Variants in ARRDC2 observed in about 807,000 individuals in gnomAD.
ARRDC2 encodes arrestin domain-containing protein 2.
In ARRDC2, 39 loss-of-function variants were observed where a neutral mutation model predicts 38.9. The ratio of observed to expected loss-of-function variants is 1.00; its 90% CI spans 0.78 to 1.31. ARRDC2 has a LOEUF of 1.31. Ranked by LOEUF, ARRDC2 falls within the 50% of genes most tolerant of loss-of-function variation. The pLI is 0.00. For synonymous variants in ARRDC2, 300 were observed against 261.9 expected (o/e 1.15, Z -1.41); for missense variants, 553 against 588.4 (o/e 0.94, Z 0.62).
At chr19:18,010,785 T>C (rs2033396676) in intron 7 of ARRDC2, 56 bp downstream of exon 7, 1 of 1,575,910 alleles carries the variant, frequency 6.3e-7, no homozygotes, top group African/African-American at 1.4e-5. Flanking sequence ...GGAGCCTTGA[T>C]GGGGTGGCAG....
upstream of ARRDC2, chr19:18,008,090 C>T (rs1004801852): frequency 2.1e-5 from 26 of 1,219,116 alleles, no homozygotes; most frequent in Middle Eastern, 3.1e-4. Flanking sequence ...GGTGGAGTCC[C>T]TTCCCGGGGC....
At chr19:18,009,747 G>C (rs1428104131) in intron 4 of ARRDC2, 36 bp from the exon 5 acceptor site, 1 of 1,612,842 alleles carries the variant, frequency 6.2e-7, no homozygotes. Context: ...GGGGTTGCAG[G>C]AGGGGAAACT....
chr19:18,011,040 C>T (rs1367824256), intron 7 of ARRDC2, among the ~76,000 whole-genome samples: 1 of 152,112 alleles, frequency 6.6e-6, no homozygotes, highest in East Asian at 1.9e-4. Context: ...GTCTTGTCAC[C>T]CAGGCTGGAG....
chr19:18,013,173 G>C lies in ARRDC2; in HGVS notation c.*207G>C, dbSNP rs2033448518. ...CTGACTTACCTGGACCGCTGTCCTT[G>C]TGAGGCATTGAATGCCCAGTGCAGT... On this transcript the variant is annotated 3_prime_UTR_variant, in exon 8 of 8. Transcript: ENST00000222250. 1.7e-6 allele frequency: 1 copy of C among 585,248 alleles called. No homozygotes were observed. The highest frequency in any genetic ancestry group is 3.0e-6 in the Non-Finnish European group (1 of 330,604). The allele number at this position is 585,248 out of a possible 1,614,324, so 36.3% of individuals were successfully genotyped here. A position where few individuals can be genotyped will look rare whatever the true frequency, so the allele number is the denominator to read the frequency against.
intron 3 of ARRDC2, 85 bp downstream of exon 3, chr19:18,009,203 T>A: frequency 6.6e-7 from 1 of 1,506,620 alleles, no homozygotes. Context: ...ACCAATAAGA[T>A]GGAGGTCATA....
At position 18,009,941 on chromosome 19, in the gene ARRDC2, G is replaced by A. The variant is rs777390808; in HGVS notation, c.751G>A (p.Gly251Arg). Residue 251 changes from glycine to arginine, a missense_variant, in exon 5 of 8, where the codon GGG becomes AGG. Physicochemically the swap from Gly to Arg is moderately radical, Grantham distance 125. Coordinates refer to ENST00000222250, the MANE Select transcript of ARRDC2 (RefSeq NM_015683.2). Reference protein sequence around the residue: ...ASLAGEPVGPGQRALWQGRAL... With the variant: ...ASLAGEPVGPRQRALWQGRAL... ...CCTCGCGGGCGAGCCGGTGGGCCCC[G>A]GGCAGCGGGCGCTGTGGCAGGGCCG... 4 of 1,605,448 alleles carry A rather than the reference G, an allele frequency of 2.5e-6. No individual in the cohort carries two copies. The highest frequency in any genetic ancestry group is 2.2e-5 in the East Asian group (1 of 44,832).
intron 7 of ARRDC2, among the ~76,000 whole-genome samples, chr19:18,011,890 A>G (rs1382408843): frequency 1.3e-5 from 2 of 150,868 alleles, no homozygotes; most frequent in African/African-American, 4.9e-5. Flanking sequence ...ATAATGCAGT[A>G]TAACAGTGAT....
chr19:18,011,829 C>T (rs2033417087), intron 7 of ARRDC2, among the ~76,000 whole-genome samples: 1 of 151,196 alleles, frequency 6.6e-6, no homozygotes, highest in Non-Finnish European at 1.5e-5. Context: ...ACTACATACT[C>T]CAGTCTGGGA....
chr19:18,008,121 A>ACCCCCCC (rs149842719), upstream of ARRDC2: 281 of 370,506 alleles, frequency 7.6e-4, 1 homozygote, highest in South Asian at 1.0e-3. Context: ...CGGTGACCCC[A>ACCCCCCC]CCCCCCCCCG....
In ARRDC2 at chr19:18,010,642, TC is replaced by T; in HGVS notation, c.1085del (p.Pro362ArgfsTer6). The T allele has an allele frequency of 6.2e-7, 1 of 1,613,782 alleles. No individual in the cohort carries two copies. The highest frequency in any genetic ancestry group is 8.5e-7 in the Non-Finnish European group (1 of 1,179,974). ...AALGQSPFPL[P>X]QDPDMSLEGP... Reference sequence around the variant, plus strand: ...CCTTGGGGCAGAGCCCCTTCCCGCTTCCGCAGGACCCCGACATGAGCCTTGA... The same window carrying T: ...CCTTGGGGCAGAGCCCCTTCCCGCTTCGCAGGACCCCGACATGAGCCTTGA... On this transcript the variant is annotated frameshift_variant, in exon 7 of 8. Transcript: ENST00000222250. LOFTEE classifies it high-confidence loss of function.
chr19:18,011,934 G>GTATATATATATA (rs780182812), intron 7 of ARRDC2, among the ~76,000 whole-genome samples: 17 of 68,406 alleles, frequency 2.5e-4, no homozygotes, highest in South Asian at 1.9e-3. Context: ...GTGTATATGT[G>GTATATATATATA]TATATATATA....
chr19:18,009,428 T>C, intron 3 of ARRDC2, 164 bp from the exon 4 acceptor site: 1 of 670,668 alleles, frequency 1.5e-6, no homozygotes, highest in Non-Finnish European at 2.5e-6. Flanking sequence ...CTTTATAAGA[T>C]GGGTTGTGTT....
At chr19:18,008,006 C>T (rs2033314081), upstream of ARRDC2, among the ~76,000 whole-genome samples, 1 of 152,260 alleles carries the variant, frequency 6.6e-6, no homozygotes, top group Non-Finnish European at 1.5e-5. Context: ...GGGAAGGGGG[C>T]AGCCGGCGGT....
At chr19:18,001,366 G>T in exon 1 of ARRDC2, 2 of 1,200,376 alleles carry the variant, frequency 1.7e-6, no homozygotes, top group Non-Finnish European at 2.1e-6. Context: ...GCGGGGCCCG[G>T]GCGGCGCCTA....
At chr19:18,012,374 G>A (rs1218608384) in intron 7 of ARRDC2, among the ~76,000 whole-genome samples, 1 of 151,516 alleles carries the variant, frequency 6.6e-6, no homozygotes, top group Non-Finnish European at 1.5e-5. Context: ...ATCACTTGAG[G>A]TCAGGAGTTT....
intron 6 of ARRDC2, 31 bp downstream of exon 6, chr19:18,010,389 G>A (rs766203248): frequency 1.4e-5 from 22 of 1,596,952 alleles, no homozygotes; most frequent in Non-Finnish European, 1.6e-5. Context: ...CATGCAGAGG[G>A]TGGGTGGATA....
Position 18,008,481 on chromosome 19 carries a change from G to T in ARRDC2, c.171G>T (p.Val57=). 6.5e-7 allele frequency: 1 copy of T among 1,531,318 alleles called. No individual in the cohort carries two copies. Among genetic ancestry groups the T allele is most frequent in the Non-Finnish European group, 8.7e-7 (1 of 1,145,858 alleles). 94.9% of individuals were successfully genotyped at this position (1,531,318 alleles called of 1,614,324 possible). A position where few individuals can be genotyped will look rare whatever the true frequency, so the allele number is the denominator to read the frequency against. ...LRLRARGRAH[V]HWTESRSAGS... is the part of the protein sequence containing the mutation. Reference sequence around the variant, plus strand: ...TGCGCGCGCGGGGCCGCGCCCACGTGCACTGGACCGAGTCGCGCAGCGCGG... The same window carrying T: ...TGCGCGCGCGGGGCCGCGCCCACGTTCACTGGACCGAGTCGCGCAGCGCGG... The change falls in exon 1 of 8, where the codon GTG becomes GTT. Residue 57 remains valine, a synonymous_variant. Transcript: ENST00000222250.
intron 3 of ARRDC2, 198 bp downstream of exon 3, chr19:18,009,316 C>T (rs2033354084): frequency 7.3e-6 from 5 of 684,774 alleles, no homozygotes; most frequent in Non-Finnish European, 1.2e-5. Context: ...TCTTGAAGCC[C>T]TCTCTGAGCC....
Position 18,009,978 on chromosome 19 carries a change from T to TC in ARRDC2, c.794dup (p.Val266SerfsTer72). The TC allele has an allele frequency of 1.9e-6, 3 of 1,602,856 alleles. No individual in the cohort carries two copies. The highest frequency in any genetic ancestry group is 1.3e-5 in the African/African-American group (1 of 74,966). ...CTGTGGCAGGGCCGGGCACTGCGGA[T>TC]CCCCCCAGTGGGTCCTTCCATCCTG... On this transcript the variant is annotated frameshift_variant, in exon 5 of 8. Coordinates refer to ENST00000222250, the MANE Select transcript of ARRDC2 (RefSeq NM_015683.2). LOFTEE classifies it high-confidence loss of function.
Sources: gnomAD v4.1 joint callset for allele counts (sites outside exome capture counted in the v4.1 genomes callset) on GRCh38, gnomAD v4.1.1 for gene constraint, MANE v1.5 for transcripts, NCBI Gene and HGNC (gene_info 2026-07-23, HGNC 2026-07-21) for gene names.